The following DLG2 variants were observed in gnomAD, a reference collection of about 807,000 sequenced individuals.
DLG2 encodes the protein disks large homolog 2.
DLG2 carries 45 observed loss-of-function variants against 132.5 expected under a neutral mutation model. The observed-to-expected ratio is 0.34, with a 90% confidence interval of 0.27 to 0.44. The LOEUF (loss-of-function observed/expected upper bound fraction) is 0.44. DLG2 is among the 20% of genes least tolerant of loss of function. The pLI, the probability that DLG2 is intolerant of heterozygous loss-of-function variation, is 1.00. For synonymous variants in DLG2, 424 were observed against 419.6 expected (o/e 1.01, Z -0.13); for missense variants, 1,045 against 1,196.9 (o/e 0.87, Z 1.87).
At chr11:85,473,336 G>T (rs1021207293) in intron 3 of DLG2, among the ~76,000 whole-genome samples, 6 of 152,218 alleles carry the variant, frequency 3.9e-5, no homozygotes, top group African/African-American at 1.4e-4. Context: ...GTGTCAAAAT[G>T]TTGGAAAATA....
At chr11:83,817,257 T>C (rs976106564) in intron 17 of DLG2, among the ~76,000 whole-genome samples, 2 of 152,104 alleles carry the variant, frequency 1.3e-5, no homozygotes, top group African/African-American at 4.8e-5. Flanking sequence ...TGCTTCTGTG[T>C]GTTTTTGGAA....
At chr11:84,987,685 A>C (rs1380634441) in intron 6 of DLG2, among the ~76,000 whole-genome samples, 2 of 152,236 alleles carry the variant, frequency 1.3e-5, no homozygotes, top group Non-Finnish European at 1.5e-5. Flanking sequence ...ACCCTATTCA[A>C]CAAACAGTGC....
intron 6 of DLG2, among the ~76,000 whole-genome samples, chr11:85,077,906 A>C (rs2066759222): frequency 6.6e-6 from 1 of 152,014 alleles, no homozygotes; most frequent in Non-Finnish European, 1.5e-5. Flanking sequence ...GTCTATAAGA[A>C]TTATTTTGCA....
At chr11:84,915,262 TC>T (rs34293236) in intron 6 of DLG2, among the ~76,000 whole-genome samples, 21 of 151,516 alleles carry the variant, frequency 1.4e-4, no homozygotes, top group African/African-American at 3.4e-4. Context: ...GAATTGTATT[TC>T]CCCCCCCATT....
intron 6 of DLG2, among the ~76,000 whole-genome samples, chr11:84,941,694 T>C (rs901701617): frequency 1.9e-4 from 29 of 148,986 alleles, no homozygotes; most frequent in Admixed American, 1.8e-3. Flanking sequence ...TTTCTTTCTT[T>C]CTCTTTTTTT....
intron 6 of DLG2, among the ~76,000 whole-genome samples, chr11:84,705,763 A>G (rs1158669733): frequency 4.0e-5 from 6 of 151,808 alleles, no homozygotes; most frequent in Non-Finnish European, 5.9e-5. Flanking sequence ...TAGAAATTAT[A>G]TGCAGATAAA....
intron 11 of DLG2, among the ~76,000 whole-genome samples, chr11:84,041,479 T>C (rs890574927): frequency 6.6e-6 from 1 of 151,974 alleles, no homozygotes; most frequent in African/African-American, 2.4e-5. Flanking sequence ...TTTTTGAATG[T>C]GGGCAATTTG....
chr11:83,926,027 T>C (rs1049506051), intron 15 of DLG2, among the ~76,000 whole-genome samples: 12 of 152,312 alleles, frequency 7.9e-5, no homozygotes, highest in Middle Eastern at 3.4e-3. Context: ...AAGAAGTCAA[T>C]TCCTCCAAAC....
At chr11:83,832,202 G>A (rs1401564181) in intron 17 of DLG2, among the ~76,000 whole-genome samples, 5 of 152,116 alleles carry the variant, frequency 3.3e-5, no homozygotes, top group African/African-American at 4.8e-5. Flanking sequence ...AATACTGCTT[G>A]CTTAAACATT....
chr11:83,919,083 T>C (rs1207922238), intron 15 of DLG2, among the ~76,000 whole-genome samples: 1 of 152,142 alleles, frequency 6.6e-6, no homozygotes, highest in Admixed American at 6.6e-5. Flanking sequence ...AAGTGTTGTA[T>C]TGTGAAAGTG....
intron 6 of DLG2, among the ~76,000 whole-genome samples, chr11:84,560,497 A>C (rs1430681725): frequency 6.6e-6 from 1 of 152,096 alleles, no homozygotes; most frequent in African/African-American, 2.4e-5. Context: ...ATGGCTTTGG[A>C]AAGTAATGAA....
At chr11:84,747,800 A>G (rs1277696589) in intron 6 of DLG2, among the ~76,000 whole-genome samples, 1 of 152,158 alleles carries the variant, frequency 6.6e-6, no homozygotes, top group Non-Finnish European at 1.5e-5. Flanking sequence ...TTAGAACGTG[A>G]TTCTTGTCAT....
At chr11:85,239,727 T>C (rs901814415) in intron 4 of DLG2, among the ~76,000 whole-genome samples, 11 of 151,968 alleles carry the variant, frequency 7.2e-5, no homozygotes, top group African/African-American at 2.2e-4. Context: ...TATTTTTGTT[T>C]GTAGCTGTAG....
chr11:84,217,173 C>T (rs1009236702), intron 8 of DLG2, among the ~76,000 whole-genome samples: 3 of 152,190 alleles, frequency 2.0e-5, no homozygotes, highest in East Asian at 1.9e-4. Context: ...CTAACACCTC[C>T]GAAAGAAGCC....
At chr11:84,502,303 TTTC>T (rs2099217019) in intron 7 of DLG2, among the ~76,000 whole-genome samples, 2 of 3,276 alleles carry the variant, frequency 6.1e-4, no homozygotes, top group South Asian at 0.012. Context: ...TCTTTCTTTC[TTTC>T]TTTCTTTCTT....
At chr11:84,916,632 T>C (rs1474788131) in intron 6 of DLG2, among the ~76,000 whole-genome samples, 1 of 152,208 alleles carries the variant, frequency 6.6e-6, no homozygotes, top group Non-Finnish European at 1.5e-5. Flanking sequence ...CTGGTCTCTC[T>C]GCTCCTGCCC....
At chr11:85,365,816 A>G (rs1463234631) in intron 3 of DLG2, among the ~76,000 whole-genome samples, 1 of 152,210 alleles carries the variant, frequency 6.6e-6, no homozygotes, top group Non-Finnish European at 1.5e-5. Flanking sequence ...AATCATTCTC[A>G]GCAAACTAAC....
At chr11:83,934,770 T>C (rs565603212) in intron 14 of DLG2, among the ~76,000 whole-genome samples, 32 of 152,304 alleles carry the variant, frequency 2.1e-4, no homozygotes, top group African/African-American at 6.7e-4. Flanking sequence ...TCTAGAATAT[T>C]AGACCCTGGA....
chr11:85,293,473 C>T (rs72950169), intron 3 of DLG2, among the ~76,000 whole-genome samples: 6,843 of 152,196 alleles, frequency 0.045, 197 homozygotes, highest in East Asian at 0.095. Context: ...CTCCTGTTAT[C>T]AAATACCAAG....
Sources: allele counts gnomAD v4.1 joint callset (sites outside exome capture counted in the v4.1 genomes callset), GRCh38; gene constraint gnomAD v4.1.1; transcripts MANE v1.5; gene names NCBI Gene and HGNC (gene_info 2026-07-23, HGNC 2026-07-21).